The following CHRM3 variants were observed in gnomAD, a reference collection of about 807,000 sequenced individuals.
CHRM3 encodes muscarinic acetylcholine receptor M3.
A neutral mutation model predicts 41.8 loss-of-function variants in CHRM3; 11 were observed. The observed-to-expected ratio is 0.26, with a 90% CI of 0.17 to 0.44. CHRM3 has a LOEUF of 0.44. CHRM3 is among the 20% of genes least tolerant of loss of function. The pLI is 1.00. For synonymous variants in CHRM3, 297 were observed against 301.4 expected (o/e 0.99, Z 0.15); for missense variants, 571 against 745.4 (o/e 0.77, Z 2.72).
intron 5 of CHRM3, among the ~76,000 whole-genome samples, chr1:239,788,844 A>G (rs1386735892): frequency 6.6e-6 from 1 of 152,198 alleles, no homozygotes; most frequent in Non-Finnish European, 1.5e-5. Context: ...TCTACAAAAA[A>G]TGAAATTTTC....
intron 1 of CHRM3, among the ~76,000 whole-genome samples, chr1:239,395,642 G>T (rs1187349724): frequency 6.6e-6 from 1 of 152,128 alleles, no homozygotes; most frequent in African/African-American, 2.4e-5. Flanking sequence ...ATCCATGAGG[G>T]CTGGGTTGGG....
intron 1 of CHRM3, among the ~76,000 whole-genome samples, chr1:239,431,043 T>C (rs970309763): frequency 2.0e-5 from 3 of 152,164 alleles, no homozygotes; most frequent in African/African-American, 7.2e-5. Context: ...ATCCATACAT[T>C]ATACTGTGGA....
intron 6 of CHRM3, among the ~76,000 whole-genome samples, chr1:239,882,576 GT>G (rs561870257): frequency 1.1e-4 from 17 of 152,256 alleles, no homozygotes; most frequent in African/African-American, 4.1e-4. Flanking sequence ...GTTGCCTAAG[GT>G]TTTTGACATC....
At chr1:239,584,846 G>A (rs182200531) in intron 3 of CHRM3, among the ~76,000 whole-genome samples, 72 of 152,232 alleles carry the variant, frequency 4.7e-4, no homozygotes, top group African/African-American at 1.5e-3. Context: ...TGGACATTGT[G>A]TTGGTGAGCA....
intron 2 of CHRM3, among the ~76,000 whole-genome samples, chr1:239,505,029 C>T (rs1291449597): frequency 1.3e-5 from 2 of 152,076 alleles, no homozygotes; most frequent in Admixed American, 6.6e-5. Flanking sequence ...ACTCATGTAA[C>T]CAAATACCAC....
Position 239,912,535 on chromosome 1 carries a change from G to T in CHRM3, c.*3311G>T, listed in dbSNP as rs1183901461. On this transcript the variant is annotated 3_prime_UTR_variant, in exon 7 of 7. Transcript: ENST00000676153. ...GTCAGGCTTCCTACGTTGCCCTCGT[G>T]CAGGGCTCATTGCTCTGCAGAGCGC... 6.0e-6 allele frequency: 1 copy of T among 167,140 alleles called. No homozygotes were observed. The highest frequency in any genetic ancestry group is 1.5e-5 in the Non-Finnish European group (1 of 68,156). The allele number at this position is 167,140 out of a possible 1,614,324, so 10.4% of individuals were successfully genotyped here. A position where few individuals can be genotyped will look rare whatever the true frequency, so the allele number is the denominator to read the frequency against.
chr1:239,857,268 C>G (rs1675195749), intron 6 of CHRM3, among the ~76,000 whole-genome samples: 1 of 152,164 alleles, frequency 6.6e-6, no homozygotes, highest in African/African-American at 2.4e-5. Context: ...ATGATAATGT[C>G]TCAACACATG....
intron 1 of CHRM3, among the ~76,000 whole-genome samples, chr1:239,412,689 G>A (rs142171864): frequency 4.5e-4 from 69 of 151,996 alleles, no homozygotes; most frequent in East Asian, 9.8e-4. Context: ...ATCTTGTCTC[G>A]TAGGAATGGT....
chr1:239,866,523 T>G (rs1480404033), intron 6 of CHRM3, among the ~76,000 whole-genome samples: 1 of 152,116 alleles, frequency 6.6e-6, no homozygotes, highest in Non-Finnish European at 1.5e-5. Flanking sequence ...TTTAAATACC[T>G]TTGTAAACTA....
chr1:239,523,847 G>C (rs1179017559), intron 2 of CHRM3, among the ~76,000 whole-genome samples: 2 of 152,094 alleles, frequency 1.3e-5, no homozygotes, highest in African/African-American at 4.8e-5. Flanking sequence ...TTTTTGTGTA[G>C]TACAGAGGTT....
chr1:239,855,897 A>G (rs772991653), intron 6 of CHRM3, among the ~76,000 whole-genome samples: 9 of 152,196 alleles, frequency 5.9e-5, no homozygotes, highest in East Asian at 3.8e-4. Context: ...AGACATCTAT[A>G]TGCTTTCACC....
At chr1:239,507,387 C>T (rs1011230406) in intron 2 of CHRM3, among the ~76,000 whole-genome samples, 2 of 152,182 alleles carry the variant, frequency 1.3e-5, no homozygotes, top group Admixed American at 6.5e-5. Flanking sequence ...TTTCCCTGAA[C>T]AAGCTCTCTT....
rs566308146 is a variant in CHRM3, at chr1:239,670,344, C to A, written c.-249-7842C>A. 7.2e-5 allele frequency among the ~76,000 whole-genome samples: 11 copies of A among 151,998 alleles called. No homozygotes were observed. The South Asian group carries it at 2.3e-3, about 32-fold the overall frequency. On this transcript the variant is annotated intron_variant, in intron 4 of 6. Coordinates refer to ENST00000676153, the MANE Select transcript of CHRM3 (RefSeq NM_001375978.1). ...TTCTAGAGCTTTATAAAAATAAAAT[C>A]ATAGGTAAAATATTTCTGTGTCTGA... is the stretch of plus-strand genomic sequence containing the variant.
chr1:239,657,077 A>G (rs1029152717), intron 4 of CHRM3, among the ~76,000 whole-genome samples: 12 of 152,360 alleles, frequency 7.9e-5, no homozygotes, highest in African/African-American at 2.4e-4. Context: ...CTAGTCTTAG[A>G]ATTTAAATAG....
chr1:239,882,052 C>G (rs971846816), intron 6 of CHRM3, among the ~76,000 whole-genome samples: 7 of 151,576 alleles, frequency 4.6e-5, no homozygotes, highest in Non-Finnish European at 8.8e-5. Flanking sequence ...ATTACAGGCA[C>G]CCGCCACCAT....
chr1:239,606,754 A>C (rs546885114), intron 3 of CHRM3, among the ~76,000 whole-genome samples: 2 of 152,302 alleles, frequency 1.3e-5, no homozygotes, highest in Admixed American at 1.3e-4. Flanking sequence ...CTAAATAAAA[A>C]GCCTAAGGGA....
chr1:239,593,493 A>G (rs1403259787), intron 3 of CHRM3, among the ~76,000 whole-genome samples: 2 of 151,908 alleles, frequency 1.3e-5, no homozygotes, highest in Non-Finnish European at 2.9e-5. Context: ...AAAAAAAAAA[A>G]CTCAAATATT....
intron 6 of CHRM3, among the ~76,000 whole-genome samples, chr1:239,878,665 A>G (rs1399184294): frequency 1.3e-5 from 2 of 151,628 alleles, no homozygotes; most frequent in East Asian, 1.9e-4. Context: ...TATATGCCCT[A>G]TATATCCATG....
At position 239,387,547 on chromosome 1, in the gene CHRM3, G is replaced by A. The variant is rs1460201663; in HGVS notation, c.-521+320G>A. On this transcript the variant is annotated intron_variant, in intron 1 of 6. Transcript: ENST00000676153. This position sits in a 1 kb window ranked among gnomAD's most constrained non-coding sequence, Gnocchi z 5.1. ...TGCGAGCGGTGGCCGGGAGAGAGTCGGGGACGTCCCACCCCGCTCTCCCTC... is the reference window on the plus strand; with the variant it reads ...TGCGAGCGGTGGCCGGGAGAGAGTCAGGGACGTCCCACCCCGCTCTCCCTC... 2.6e-5 allele frequency among the ~76,000 whole-genome samples: 4 copies of A among 151,914 alleles called. No individual in the cohort carries two copies. Among genetic ancestry groups the A allele is most frequent in the Non-Finnish European group, 5.9e-5 (4 of 68,002 alleles).
Sources: gnomAD v4.1 joint callset for allele counts (sites outside exome capture counted in the v4.1 genomes callset) on GRCh38, gnomAD v4.1.1 for gene constraint, Gnocchi (gnomAD v3.1) non-coding constraint, MANE v1.5 for transcripts, NCBI Gene and HGNC (gene_info 2026-07-23, HGNC 2026-07-21) for gene names.